Variants in SLC37A2 observed in about 807,000 individuals in gnomAD.
SLC37A2 encodes the protein solute carrier family 37 member 2.
SLC37A2 carries 59 observed loss-of-function variants against 70.7 expected under a neutral mutation model. The observed-to-expected ratio is 0.83, with a 90% CI of 0.68 to 1.04. SLC37A2 has a LOEUF of 1.04. SLC37A2 is among the 50% of genes least tolerant of loss of function. The pLI is 0.00. For synonymous variants in SLC37A2, 257 were observed against 262.1 expected (o/e 0.98, Z 0.19); for missense variants, 580 against 658.1 (o/e 0.88, Z 1.30).
At chr11:125,068,460 G>C (rs1353525573) in intron 1 of SLC37A2, among the ~76,000 whole-genome samples, 1 of 152,090 alleles carries the variant, frequency 6.6e-6, no homozygotes, top group Non-Finnish European at 1.5e-5. Context: ...ATCAAGACAG[G>C]GTTCTACCTT....
At chr11:125,065,078 A>G (rs755423802) in intron 1 of SLC37A2, among the ~76,000 whole-genome samples, 1 of 152,246 alleles carries the variant, frequency 6.6e-6, no homozygotes, top group Non-Finnish European at 1.5e-5. Flanking sequence ...CTTCATAGGT[A>G]TATTTTGCAT....
Position 125,085,223 on chromosome 11 carries a change from C to T in SLC37A2, c.1248+84C>T. The T allele has an allele frequency of 2.1e-6, 3 of 1,423,020 alleles. No individual in the cohort carries two copies. The Admixed American group carries it at 5.2e-5, about 25-fold the overall frequency. 88.1% of individuals were successfully genotyped at this position (1,423,020 alleles called of 1,614,324 possible). A position where few individuals can be genotyped will look rare whatever the true frequency, so the allele number is the denominator to read the frequency against. ...CATCTCCAGGTCCATTTCTCCCTGT[C>T]TCCCATCCCGCAGAGGAGAAACCGT... On this transcript the variant is annotated intron_variant, in intron 14 of 17. Coordinates refer to ENST00000403796, the MANE Select transcript of SLC37A2 (RefSeq NM_001145290.2).
chr11:125,084,347 G>A (rs201412646), intron 12 of SLC37A2, 28 bp downstream of exon 12: 129 of 1,609,206 alleles, frequency 8.0e-5, no homozygotes, highest in East Asian at 2.2e-5. Flanking sequence ...GGTGAAGTGC[G>A]AATGCATGTG....
At position 125,085,109 on chromosome 11, in the gene SLC37A2, G is replaced by A. The variant is rs781282466; in HGVS notation, c.1218G>A (p.Ala406=). Residue 406 remains alanine, a synonymous_variant, in exon 14 of 18, where the codon GCG becomes GCA. Transcript: ENST00000403796. The stretch of plus-strand genomic sequence containing the variant: ...GGGGCCTGGTCAATGGCCCATACGC[G>A]CTCATCACCACTGCTGTCTCTGCTG... ...ICGGLVNGPY[A]LITTAVSADL... The A allele has an allele frequency of 1.2e-5, 20 of 1,613,852 alleles. No individual in the cohort carries two copies. The highest frequency in any genetic ancestry group is 6.7e-5 in the East Asian group (3 of 44,890).
In SLC37A2 at chr11:125,063,556, C is replaced by A; in HGVS notation, c.59+130C>A. On this transcript the variant is annotated intron_variant, in intron 1 of 17. Coordinates refer to ENST00000403796, the MANE Select transcript of SLC37A2 (RefSeq NM_001145290.2). The surrounding 1 kb of genome is among the most constrained non-coding windows in gnomAD (Gnocchi z 5.4). ...CGCGTGGCCAGGGGTGCTGGGGGGA[C>A]TTGGTCCCGAGCTCCTCCAGCGGCG... is the stretch of plus-strand genomic sequence containing the variant. 1.2e-6 allele frequency: 1 copy of A among 825,092 alleles called. No homozygotes were observed. Among genetic ancestry groups the A allele is most frequent in the Non-Finnish European group, 1.8e-6 (1 of 547,924 alleles). The allele number at this position is 825,092 out of a possible 1,614,324, so 51.1% of individuals were successfully genotyped here. A position where few individuals can be genotyped will look rare whatever the true frequency, so the allele number is the denominator to read the frequency against.
chr11:125,079,887 G>T, intron 6 of SLC37A2, 127 bp downstream of exon 6: 2 of 708,414 alleles, frequency 2.8e-6, no homozygotes, highest in Non-Finnish European at 5.0e-6. Flanking sequence ...TGCTGTTCAC[G>T]TGCTTAGAAG....
At chr11:125,081,299 C>A in intron 7 of SLC37A2, 122 bp from the exon 8 acceptor site, 1 of 942,342 alleles carries the variant, frequency 1.1e-6, no homozygotes, top group Non-Finnish European at 1.6e-6. Flanking sequence ...ACCTTAGGAG[C>A]TGGAGGCGGG....
intron 15 of SLC37A2, 43 bp from the exon 16 acceptor site, chr11:125,085,534 G>A (rs1177592825): frequency 6.2e-7 from 1 of 1,612,808 alleles, no homozygotes; most frequent in South Asian, 1.1e-5. Context: ...CGGTGGGCAG[G>A]GGAGGTGCAG....
At chr11:125,073,069 G>A (rs1007437301) in intron 1 of SLC37A2, among the ~76,000 whole-genome samples, 3 of 152,156 alleles carry the variant, frequency 2.0e-5, no homozygotes, top group Non-Finnish European at 4.4e-5. Flanking sequence ...TCCAGGTGGT[G>A]GATTTCAGGG....
chr11:125,069,777 A>G (rs1406258741), intron 1 of SLC37A2, among the ~76,000 whole-genome samples: 4 of 152,246 alleles, frequency 2.6e-5, no homozygotes, highest in Non-Finnish European at 5.9e-5. Context: ...ACAGCTGCAG[A>G]CATCCAGGCA....
chr11:125,080,897 C>A lies in SLC37A2; in HGVS notation c.694+117C>A. Reference sequence around the variant, plus strand: ...CAGAGTGGGAGGACCAGCCGTGTGACTTTGGACAATCTTTCAGAGCCTTTA... The same window carrying A: ...CAGAGTGGGAGGACCAGCCGTGTGAATTTGGACAATCTTTCAGAGCCTTTA... On this transcript the variant is annotated intron_variant, in intron 7 of 17. Coordinates refer to ENST00000403796, the MANE Select transcript of SLC37A2 (RefSeq NM_001145290.2). The surrounding 1 kb of genome is among the most constrained non-coding windows in gnomAD (Gnocchi z 4.3). The A allele has an allele frequency of 1.2e-6, 1 of 834,160 alleles. No homozygotes were observed. The highest frequency in any genetic ancestry group is 1.7e-6 in the Non-Finnish European group (1 of 602,000). 51.7% of individuals were successfully genotyped at this position (834,160 alleles called of 1,614,324 possible). A position where few individuals can be genotyped will look rare whatever the true frequency, so the allele number is the denominator to read the frequency against.
chr11:125,085,106 C>T lies in SLC37A2; in HGVS notation c.1215C>T (p.Tyr405=), dbSNP rs745736571. 4.0e-5 allele frequency: 64 copies of T among 1,613,912 alleles called. No individual in the cohort carries two copies. The highest frequency in any genetic ancestry group is 4.7e-5 in the Non-Finnish European group (55 of 1,179,978). ...IICGGLVNGP[Y]ALITTAVSAD... ...GTGGGGGCCTGGTCAATGGCCCATA[C>T]GCGCTCATCACCACTGCTGTCTCTG... is the stretch of plus-strand genomic sequence containing the variant. Residue 405 remains tyrosine, a synonymous_variant, in exon 14 of 18, where the codon TAC becomes TAT. Coordinates refer to ENST00000403796, the MANE Select transcript of SLC37A2 (RefSeq NM_001145290.2).
At chr11:125,081,558 T>C in intron 8 of SLC37A2, 100 bp downstream of exon 8, 1 of 1,432,030 alleles carries the variant, frequency 7.0e-7, no homozygotes, top group Non-Finnish European at 9.5e-7. Context: ...GTTCTGGCCC[T>C]CACTGACCTC....
chr11:125,079,657 C>G (rs1002374015), intron 5 of SLC37A2, 27 bp from the exon 6 acceptor site: 1 of 1,565,604 alleles, frequency 6.4e-7, no homozygotes, highest in Non-Finnish European at 8.7e-7. Context: ...CAGGCCTGTT[C>G]CCACCCTCCC....
rs1455511620 is a variant in SLC37A2 at position 125,079,183 on chromosome 11, C to T, written c.386C>T (p.Thr129Ile). The T allele has an allele frequency of 1.9e-6, 3 of 1,614,102 alleles. No individual in the cohort carries two copies. Among genetic ancestry groups the T allele is most frequent in the African/African-American group, 2.7e-5 (2 of 74,938 alleles). The change falls in exon 5 of 18, where the codon ACC becomes ATC. Residue 129 changes from threonine (T) to isoleucine (I), a missense_variant. Coordinates refer to ENST00000403796, the MANE Select transcript of SLC37A2 (RefSeq NM_001145290.2). ...GGAATGCTGCTCAGTGGCCTTTTCA[C>T]CTCGCTCTTTGGCCTGGGATATTTC... ...SAGMLLSGLF[T>I]SLFGLGYFWN...
chr11:125,063,581 G>A lies in SLC37A2; in HGVS notation c.59+155G>A, dbSNP rs1445830564. Among the ~76,000 whole-genome samples the A allele has an allele frequency of 6.6e-6, 1 of 152,166 alleles. No individual in the cohort carries two copies. The highest frequency in any genetic ancestry group is 1.5e-5 in the Non-Finnish European group (1 of 68,016). ...CTTGGTCCCGAGCTCCTCCAGCGGC[G>A]CCCGCCTCGGAGGTTGATAACCCTC... On this transcript the variant is annotated intron_variant, in intron 1 of 17. Transcript: ENST00000403796. This position sits in a 1 kb window ranked among gnomAD's most constrained non-coding sequence, Gnocchi z 5.4.
chr11:125,086,352 T>C, intron 17 of SLC37A2: 3 of 993,690 alleles, frequency 3.0e-6, no homozygotes, highest in Non-Finnish European at 4.9e-6. Flanking sequence ...TTTTCCAACT[T>C]TCTCTTTCTT....
chr11:125,078,710 G>A (rs1458862904), intron 4 of SLC37A2, among the ~76,000 whole-genome samples: 2 of 152,108 alleles, frequency 1.3e-5, no homozygotes, highest in Non-Finnish European at 2.9e-5. Flanking sequence ...AATGCCCCGG[G>A]GGCATCCAAA....
At position 125,081,919 on chromosome 11, in the gene SLC37A2, T is replaced by C. The variant is rs1273088048; in HGVS notation, c.885+13T>C. 6 of 1,594,834 alleles carry C rather than the reference T, an allele frequency of 3.8e-6. No individual in the cohort carries two copies. Among genetic ancestry groups the C allele is most frequent in the Non-Finnish European group, 5.1e-6 (6 of 1,170,442 alleles). On this transcript the variant is annotated intron_variant, in intron 9 of 17. Transcript: ENST00000403796. ...GCTCCGGATCCCAGTAAGAAGTTTG[T>C]GGAATGGAGGAAAGAGAGGGGCTTT...
Sources: allele counts gnomAD v4.1 joint callset (sites outside exome capture counted in the v4.1 genomes callset), GRCh38; gene constraint gnomAD v4.1.1; non-coding constraint Gnocchi (gnomAD v3.1); transcripts MANE v1.5; gene names NCBI Gene and HGNC (gene_info 2026-07-23, HGNC 2026-07-21).